Variants in GPR63 observed in about 807,000 individuals in gnomAD.
The protein encoded by GPR63 is G protein-coupled receptor 63.
In GPR63, 12 loss-of-function variants were observed where a neutral mutation model predicts 23.1. The observed-to-expected ratio is 0.52, with a 90% CI of 0.33 to 0.84. The LOEUF is 0.84. GPR63 is among the 40% of genes least tolerant of loss of function. The pLI is 0.02. For synonymous variants in GPR63, 172 were observed against 191.1 expected, an observed-to-expected ratio of 0.90 and a Z score of 0.82; for missense variants, 472 against 515.6, an observed-to-expected ratio of 0.92 and a Z score of 0.82.
chr6:96,830,480 T>G (rs1385901127), intron 1 of GPR63, among the ~76,000 whole-genome samples: 1 of 152,184 alleles, frequency 6.6e-6, no homozygotes, highest in Non-Finnish European at 1.5e-5. Flanking sequence ...AAAGCATATT[T>G]AGCACTTATC....
chr6:96,818,729 G>A (rs994158923), intron 1 of GPR63, among the ~76,000 whole-genome samples: 13 of 152,080 alleles, frequency 8.5e-5, no homozygotes, highest in Non-Finnish European at 1.5e-4. Flanking sequence ...ACACACATCA[G>A]GGTGAACAGG....
intron 1 of GPR63, among the ~76,000 whole-genome samples, chr6:96,815,234 G>A (rs536320276): frequency 2.0e-5 from 3 of 152,210 alleles, no homozygotes; most frequent in East Asian, 1.9e-4. Flanking sequence ...AATTTGTGGC[G>A]ATTTATAAAA....
intron 1 of GPR63, among the ~76,000 whole-genome samples, chr6:96,835,954 A>G (rs541229635): frequency 4.2e-4 from 64 of 152,288 alleles, no homozygotes; most frequent in Non-Finnish European, 7.5e-4. Context: ...TTATTTAAAT[A>G]AGCTCCCACA....
Position 96,824,382 on chromosome 6 carries a change from G to A in GPR63, c.-151+12886C>T, listed in dbSNP as rs1442770694. Among the ~76,000 whole-genome samples, 5 of 151,910 alleles carry A rather than the reference G, an allele frequency of 3.3e-5. No individual in the cohort carries two copies. The South Asian group carries it at 1.0e-3, about 32-fold the overall frequency. ...CTCTACTGAATCCTGCTATAAAGCA[G>A]AATTCATCTAAACAAAATCTAACTC... On this transcript the variant is annotated intron_variant, in intron 1 of 1. Transcript: ENST00000229955.
chr6:96,825,798 T>C (rs2127958482), intron 1 of GPR63, among the ~76,000 whole-genome samples: 1 of 151,686 alleles, frequency 6.6e-6, no homozygotes, highest in South Asian at 2.1e-4. Flanking sequence ...ACCTTAGTCT[T>C]TTTTTTTATT....
chr6:96,801,835 C>G (rs1181091159), intron 1 of GPR63, among the ~76,000 whole-genome samples: 1 of 152,182 alleles, frequency 6.6e-6, no homozygotes, highest in East Asian at 1.9e-4. Flanking sequence ...AAGCCAGCTG[C>G]TCTTGAACTT....
At chr6:96,823,749 T>G (rs1463939692) in intron 1 of GPR63, among the ~76,000 whole-genome samples, 1 of 152,058 alleles carries the variant, frequency 6.6e-6, no homozygotes, top group Non-Finnish European at 1.5e-5. Context: ...CTATATGGGG[T>G]ACCATTTTTT....
chr6:96,798,895 G>A lies in GPR63; in HGVS notation c.837C>T (p.Tyr279=). 6.2e-7 allele frequency: 1 copy of A among 1,614,184 alleles called. No homozygotes were observed. The highest frequency in any genetic ancestry group is 1.1e-5 in the South Asian group (1 of 91,086). Residue 279 remains tyrosine, a synonymous_variant, in exon 2 of 2, where the codon TAC becomes TAT. Transcript: ENST00000229955. ...CCTGGCTGAGGCATATACCTTCAGG[G>A]TAGCTATGGATCCTCAAGGCATTGT... ...LRHNALRIHS[Y]PEGICLSQAS...
chr6:96,820,885 T>C (rs1198325335), intron 1 of GPR63, among the ~76,000 whole-genome samples: 3 of 152,228 alleles, frequency 2.0e-5, no homozygotes, highest in African/African-American at 7.2e-5. Flanking sequence ...TATACCATCA[T>C]ATCAGTGGTA....
intron 1 of GPR63, among the ~76,000 whole-genome samples, chr6:96,817,167 C>T (rs1166119716): frequency 6.6e-6 from 1 of 152,054 alleles, no homozygotes; most frequent in Non-Finnish European, 1.5e-5. Context: ...ACAACCCAGG[C>T]TGAAAGATAG....
rs1310309732 is a variant in GPR63, at chr6:96,798,885, T to C, written c.847A>G (p.Ile283Val). ...AGTTTGCTGGCCTGGCTGAGGCATA[T>C]ACCTTCAGGGTAGCTATGGATCCTC... ...ALRIHSYPEGICLSQASKLGL... is the reference protein window; with the variant it reads ...ALRIHSYPEGVCLSQASKLGL... Residue 283 changes from isoleucine to valine, a missense_variant, in exon 2 of 2, where the codon ATA (isoleucine) becomes GTA (valine). Ile to Val is a conservative substitution (Grantham distance 29, BLOSUM62 3). Coordinates refer to ENST00000229955, the MANE Select transcript of GPR63 (RefSeq NM_030784.4). 5 of 1,614,184 alleles carry C rather than the reference T, an allele frequency of 3.1e-6. No individual in the cohort carries two copies. Among genetic ancestry groups the C allele is most frequent in the East Asian group, 2.2e-5 (1 of 44,880 alleles).
At chr6:96,800,855 C>A (rs1265713297) in intron 1 of GPR63, among the ~76,000 whole-genome samples, 1 of 152,182 alleles carries the variant, frequency 6.6e-6, no homozygotes, top group African/African-American at 2.4e-5. Flanking sequence ...GAAAAATATT[C>A]AGGTATGAAG....
intron 1 of GPR63, among the ~76,000 whole-genome samples, chr6:96,805,268 G>A (rs1054705898): frequency 2.6e-5 from 4 of 152,130 alleles, no homozygotes; most frequent in African/African-American, 9.7e-5. Context: ...TGAAGGGTGA[G>A]AGCAGGAACA....
At chr6:96,812,714 T>C (rs1435281189) in intron 1 of GPR63, among the ~76,000 whole-genome samples, 2 of 152,118 alleles carry the variant, frequency 1.3e-5, no homozygotes, top group Non-Finnish European at 2.9e-5. Context: ...TTTTTTATTT[T>C]ATTGATGCAT....
intron 1 of GPR63, among the ~76,000 whole-genome samples, chr6:96,817,226 CA>C (rs906257334): frequency 2.0e-5 from 3 of 152,046 alleles, no homozygotes; most frequent in African/African-American, 7.2e-5. Context: ...ACGGCCAAAA[CA>C]AAACAGTACA....
At position 96,797,329 on chromosome 6, in the gene GPR63, A is replaced by AT. The variant is rs1773615753; in HGVS notation, c.*1142_*1143insA. The AT allele has an allele frequency of 6.6e-6, 1 of 152,198 alleles. No individual in the cohort carries two copies. Among genetic ancestry groups the AT allele is most frequent in the African/African-American group, 2.4e-5 (1 of 41,440 alleles). The allele number at this position is 152,198 out of a possible 1,614,324, so 9.4% of individuals were successfully genotyped here. A position where few individuals can be genotyped will look rare whatever the true frequency, so the allele number is the denominator to read the frequency against. ...TTTTGGTAGTTAGAAAATAAAGGCT[A>AT]ATTTTTAAAAAGAATATCATAGTCT... On this transcript the variant is annotated 3_prime_UTR_variant, in exon 2 of 2. Transcript: ENST00000229955.
chr6:96,817,524 A>C (rs868535579), intron 1 of GPR63, among the ~76,000 whole-genome samples: 4 of 152,196 alleles, frequency 2.6e-5, no homozygotes, highest in Non-Finnish European at 4.4e-5. Context: ...AGAAATACTT[A>C]GATTTGTACA....
At chr6:96,810,386 C>T (rs1774009989) in intron 1 of GPR63, among the ~76,000 whole-genome samples, 1 of 151,764 alleles carries the variant, frequency 6.6e-6, no homozygotes, top group African/African-American at 2.4e-5. Context: ...ATCCCAGCTA[C>T]TCAGTAGCTG....
At chr6:96,809,007 C>CT (rs1366873511) in intron 1 of GPR63, among the ~76,000 whole-genome samples, 6 of 151,182 alleles carry the variant, frequency 4.0e-5, no homozygotes, top group Non-Finnish European at 5.9e-5. Context: ...CCTGCCATCT[C>CT]TAATTCTTCA....
Sources: allele counts gnomAD v4.1 joint callset (sites outside exome capture counted in the v4.1 genomes callset), GRCh38; gene constraint gnomAD v4.1.1; transcripts MANE v1.5; gene names NCBI Gene and HGNC (gene_info 2026-07-23, HGNC 2026-07-21).